Variants in CFAP74 observed in about 807,000 individuals in gnomAD.
The protein encoded by CFAP74 is cilia- and flagella-associated protein 74.
CFAP74 carries 124 observed loss-of-function variants against 188.9 expected under a neutral mutation model. That is an observed-to-expected ratio of 0.66 (90% CI 0.57 to 0.76). The LOEUF (loss-of-function observed/expected upper bound fraction) is 0.76, where lower values mean the gene tolerates loss of function less well. Ranked by LOEUF, CFAP74 falls within the 30% of genes least tolerant of loss-of-function variation. The pLI, the probability that CFAP74 is intolerant of heterozygous loss-of-function variation, is 0.00. For synonymous variants in CFAP74, 956 were observed against 916.7 expected, an observed-to-expected ratio of 1.04 and a Z score of -0.77; for missense variants, 2,198 against 2,165.2, an observed-to-expected ratio of 1.02 and a Z score of -0.30.
intron 18 of CFAP74, among the ~76,000 whole-genome samples, chr1:1,951,877 C>T (rs532491401): frequency 1.3e-5 from 2 of 152,240 alleles, no homozygotes; most frequent in South Asian, 4.2e-4. Context: ...TTGAGGCCAG[C>T]CTGTGTGATG....
In CFAP74 at chr1:1,970,685, C is replaced by T. The variant is rs781655366; in HGVS notation, c.1020G>A (p.Arg340=). 2.8e-5 allele frequency: 45 copies of T among 1,612,110 alleles called. No homozygotes were observed. Among genetic ancestry groups the T allele is most frequent in the Middle Eastern group, 1.6e-4 (1 of 6,076 alleles). ...DAFRHLVHQR[R]RQELEAQKRA... is the part of the protein sequence containing the mutation. ...TCTTCTGGGCCTCCAGCTCCTGGCG[C>T]CGGCGCTGGTGGACAAGGTGCCTGA... Residue 340 remains arginine (R), a synonymous_variant, in exon 10 of 39, where the codon CGG becomes CGA. Coordinates refer to ENST00000682832, the MANE Select transcript of CFAP74 (RefSeq NM_001304360.2).
chr1:1,940,093 C>T (rs1653262101), intron 23 of CFAP74, among the ~76,000 whole-genome samples: 1 of 152,230 alleles, frequency 6.6e-6, no homozygotes, highest in South Asian at 2.1e-4. Flanking sequence ...GTGCAGGTGC[C>T]TGGGACACAG....
At chr1:1,982,617 T>C (rs1337691383) in intron 6 of CFAP74, among the ~76,000 whole-genome samples, 1 of 152,254 alleles carries the variant, frequency 6.6e-6, no homozygotes, top group Non-Finnish European at 1.5e-5. Context: ...AGATGCTTTG[T>C]ACTGCATGCA....
chr1:1,971,330 C>CA, intron 9 of CFAP74, among the ~76,000 whole-genome samples: 4 of 150,992 alleles, frequency 2.6e-5, no homozygotes, highest in Non-Finnish European at 4.4e-5. Context: ...CACTTGCACA[C>CA]CTGCACACAC....
At chr1:1,969,224 TGCCCTGCCCAACCCAGCCCTGCCCA>T (rs763767156) in intron 10 of CFAP74, among the ~76,000 whole-genome samples, 654 of 49,364 alleles carry the variant, frequency 0.013, 2 homozygotes, top group African/African-American at 0.015. Context: ...TGCCCAGCCC[TGCCCTGCCCAACCCAGCCCTGCCCA>T]GCCCTGCCCA....
At chr1:1,970,910 T>A in intron 9 of CFAP74, 94 bp from the exon 10 acceptor site, 1 of 1,442,060 alleles carries the variant, frequency 6.9e-7, no homozygotes, top group Non-Finnish European at 9.6e-7. Context: ...GGTTCATACA[T>A]GCACACGTGC....
At chr1:1,957,665 G>T (rs1264120639) in intron 16 of CFAP74, among the ~76,000 whole-genome samples, 1 of 152,182 alleles carries the variant, frequency 6.6e-6, no homozygotes, top group African/African-American at 2.4e-5. Flanking sequence ...GGCCTCGCCG[G>T]GCACGTGCTC....
At chr1:1,992,793 A>G (rs1207926558) in intron 1 of CFAP74, among the ~76,000 whole-genome samples, 3 of 152,100 alleles carry the variant, frequency 2.0e-5, no homozygotes, top group Non-Finnish European at 4.4e-5. Context: ...TTCTTAAATA[A>G]TTTCAAAATT....
Position 1,924,378 on chromosome 1 carries a change from ACCCCCCG to A in CFAP74, c.4234+6_4234+12del. 1 of 81,616 alleles carries A rather than the reference ACCCCCCG, an allele frequency of 1.2e-5. No homozygotes were observed. Among genetic ancestry groups the A allele is most frequent in the South Asian group, 8.2e-5 (1 of 12,214 alleles). 5.1% of individuals were successfully genotyped at this position (81,616 alleles called of 1,614,324 possible). A position where few individuals can be genotyped will look rare whatever the true frequency, so the allele number is the denominator to read the frequency against. On this transcript the variant is annotated splice_donor_region_variant and intron_variant, in intron 34 of 38. Transcript: ENST00000682832. ...CCCCGCAGCTCACCACCCACCCCCC[ACCCCCCG>A]CTCACCGACCACCTCCGTCCTCTGG...
chr1:1,990,025 C>T (rs1189272934), intron 2 of CFAP74, among the ~76,000 whole-genome samples: 1 of 145,222 alleles, frequency 6.9e-6, no homozygotes, highest in Admixed American at 6.6e-5. Context: ...CAACAGACAG[C>T]TCTAAGACTC....
rs72911062 is a variant in CFAP74, at chr1:1,925,478, G to A, written c.4104+305C>T. 8.6e-3 allele frequency among the ~76,000 whole-genome samples: 1,310 copies of A among 152,314 alleles called. 24 individuals are homozygous for A. The highest frequency in any genetic ancestry group is 0.03 in the African/African-American group (1,239 of 41,558). On this transcript the variant is annotated intron_variant, in intron 33 of 38. Transcript: ENST00000682832. ...GGAGTGAGTTCAAGCAGCAGGGCAG[G>A]GGGTGGGTGGTGGGTGGGGGAGCTC...
chr1:1,985,518 G>C, intron 5 of CFAP74, 28 bp from the exon 6 acceptor site: 1 of 1,569,254 alleles, frequency 6.4e-7, no homozygotes, highest in Non-Finnish European at 8.8e-7. Context: ...CAGGCCGGGC[G>C]TGTGTCAGGC....
At position 1,927,025 on chromosome 1, in the gene CFAP74, G is replaced by T. The variant is rs528713373; in HGVS notation, c.3531C>A (p.Ser1177=). The T allele has an allele frequency of 6.5e-7, 1 of 1,550,154 alleles. No individual in the cohort carries two copies. The change falls in exon 29 of 39, where the codon TCC becomes TCA. Residue 1177 remains serine (S), a synonymous_variant. Coordinates refer to ENST00000682832, the MANE Select transcript of CFAP74 (RefSeq NM_001304360.2). ...EMRKRELRPS[S]DEYQAARATL... ...TGGCTCGGGCGGCCTGGTACTCGTCGGAACTAGAAGGAAGTCAGAGGCTTG... is the reference window on the plus strand; with the variant it reads ...TGGCTCGGGCGGCCTGGTACTCGTCTGAACTAGAAGGAAGTCAGAGGCTTG...
rs78960667 is a variant in CFAP74, at chr1:1,968,845, C to T, written c.1047-12G>A. ...CCTCCTCAAAGGCCCTGCGTGGAGT[C>T]GCTTCTCAGATGAGTGCAAGAGGTC... On this transcript the variant is annotated splice_polypyrimidine_tract_variant and intron_variant, in intron 10 of 38. Coordinates refer to ENST00000682832, the MANE Select transcript of CFAP74 (RefSeq NM_001304360.2). This position sits in a 1 kb window ranked among gnomAD's most constrained non-coding sequence, Gnocchi z 4.3. The T allele has an allele frequency of 1.4e-3, 2,259 of 1,613,158 alleles. 35 individuals are homozygous for T. In the East Asian group the frequency reaches 0.026, roughly 19 times the overall value.
rs775026988 is a variant in CFAP74, at chr1:1,988,673, G to T, written c.153-18C>A. The T allele has an allele frequency of 2.0e-5, 32 of 1,602,850 alleles. No individual in the cohort carries two copies. The East Asian group carries it at 6.9e-4, about 35-fold the overall frequency. The stretch of plus-strand genomic sequence containing the variant: ...TCACTGAGCTTAGGATGAAAAGGAC[G>T]TCAGCTGCCACCACCCCAGCTGCAG... On this transcript the variant is annotated intron_variant, in intron 3 of 38. Transcript: ENST00000682832.
intron 4 of CFAP74, 110 bp from the exon 5 acceptor site, chr1:1,987,145 C>T (rs4603072): frequency 0.33 from 261,571 of 790,952 alleles, 44,293 homozygotes; most frequent in East Asian, 0.42. Flanking sequence ...CCCCCAGAGC[C>T]CCCCTCACCC....
At chr1:1,964,277 A>G (rs960378757) in intron 13 of CFAP74, among the ~76,000 whole-genome samples, 4 of 152,166 alleles carry the variant, frequency 2.6e-5, no homozygotes, top group Admixed American at 6.5e-5. Flanking sequence ...TCAGCCTCAC[A>G]TGTTCCCACC....
intron 25 of CFAP74, among the ~76,000 whole-genome samples, chr1:1,931,317 C>G (rs1236606276): frequency 6.6e-6 from 1 of 150,706 alleles, no homozygotes; most frequent in Non-Finnish European, 1.5e-5. Context: ...GTAGTCCCAG[C>G]TACTTTGGAG....
intron 18 of CFAP74, among the ~76,000 whole-genome samples, chr1:1,950,600 A>G (rs1052112230): frequency 6.6e-6 from 1 of 152,138 alleles, no homozygotes; most frequent in African/African-American, 2.4e-5. Flanking sequence ...TCGGCCGCCC[A>G]AAGTGCTGGG....
Sources: allele counts gnomAD v4.1 joint callset (sites outside exome capture counted in the v4.1 genomes callset), GRCh38; gene constraint gnomAD v4.1.1; non-coding constraint Gnocchi (gnomAD v3.1); transcripts MANE v1.5; gene names NCBI Gene and HGNC (gene_info 2026-07-23, HGNC 2026-07-21).